Variants in KDM4C observed in about 807,000 individuals in gnomAD.
KDM4C encodes the protein lysine demethylase 4C.
KDM4C carries 81 observed loss-of-function variants against 129.3 expected under a neutral mutation model. The ratio of observed to expected loss-of-function variants is 0.63; its 90% CI spans 0.52 to 0.75. KDM4C has a LOEUF of 0.75. KDM4C is among the 30% of genes least tolerant of loss of function. The pLI, the probability that KDM4C is intolerant of heterozygous loss-of-function variation, is 0.00. For missense variants in KDM4C, 1,457 were observed against 1,304.0 expected, an observed-to-expected ratio of 1.12 and a Z score of -1.81; for synonymous variants, 573 against 456.1, an observed-to-expected ratio of 1.26 and a Z score of -3.26.
intron 4 of KDM4C, among the ~76,000 whole-genome samples, chr9:6,831,390 C>T (rs1463070569): frequency 2.0e-5 from 3 of 150,896 alleles, no homozygotes; most frequent in Admixed American, 2.0e-4. Flanking sequence ...TTTTTTGAGA[C>T]AGAGCCTCAC....
intron 17 of KDM4C, among the ~76,000 whole-genome samples, chr9:7,094,668 G>A (rs1000705588): frequency 6.6e-6 from 1 of 152,186 alleles, no homozygotes; most frequent in Non-Finnish European, 1.5e-5. Context: ...AGCTGCAGTT[G>A]TCTCCCCTGA....
At chr9:7,167,756 C>T (rs1042327637) in intron 20 of KDM4C, among the ~76,000 whole-genome samples, 1 of 152,230 alleles carries the variant, frequency 6.6e-6, no homozygotes, top group Admixed American at 6.5e-5. Flanking sequence ...GAGACATACC[C>T]ACCTGGGTGT....
At chr9:7,172,196 A>C (rs1845033965) in intron 21 of KDM4C, among the ~76,000 whole-genome samples, 1 of 152,136 alleles carries the variant, frequency 6.6e-6, no homozygotes, top group Admixed American at 6.5e-5. Flanking sequence ...CCTTGTCAGG[A>C]GGCCTTGTAT....
At chr9:7,029,986 T>C (rs1826455473) in intron 15 of KDM4C, among the ~76,000 whole-genome samples, 1 of 152,188 alleles carries the variant, frequency 6.6e-6, no homozygotes, top group Non-Finnish European at 1.5e-5. Flanking sequence ...TAAAGAATTC[T>C]TGGAGGTCAG....
chr9:7,072,354 CA>C (rs1833317621), intron 17 of KDM4C, among the ~76,000 whole-genome samples: 1 of 152,136 alleles, frequency 6.6e-6, no homozygotes, highest in African/African-American at 2.4e-5. Flanking sequence ...CATAATCACC[CA>C]AAAAATGGAA....
At chr9:6,970,324 C>T (rs1831742047) in intron 8 of KDM4C, among the ~76,000 whole-genome samples, 1 of 152,170 alleles carries the variant, frequency 6.6e-6, no homozygotes, top group Non-Finnish European at 1.5e-5. Context: ...TTCTGCCCTC[C>T]CTCTTGTAGT....
chr9:6,891,245 T>C (rs1389433180), intron 7 of KDM4C, among the ~76,000 whole-genome samples: 1 of 152,104 alleles, frequency 6.6e-6, no homozygotes, highest in Non-Finnish European at 1.5e-5. Flanking sequence ...AGTGCCCAAA[T>C]TGGAAATGAC....
At chr9:7,016,540 C>T (rs72703332) in intron 15 of KDM4C, among the ~76,000 whole-genome samples, 12,116 of 150,102 alleles carry the variant, frequency 0.081, 774 homozygotes, top group Non-Finnish European at 0.13. Flanking sequence ...ATTCTCCAGT[C>T]TCAGCCTCCT....
intron 1 of KDM4C, among the ~76,000 whole-genome samples, chr9:6,774,917 G>A (rs1822680317): frequency 2.0e-5 from 3 of 152,088 alleles, no homozygotes; most frequent in Non-Finnish European, 2.9e-5. Context: ...TGTCTTTTAT[G>A]CATTTATCCT....
chr9:6,740,010 C>G (rs1022528156), intron 1 of KDM4C, among the ~76,000 whole-genome samples: 4 of 152,010 alleles, frequency 2.6e-5, no homozygotes, highest in African/African-American at 9.7e-5. Context: ...CTGCCTCAGT[C>G]TCCCAAGCAG....
At chr9:7,058,903 A>C (rs1831239859) in intron 17 of KDM4C, among the ~76,000 whole-genome samples, 1 of 150,896 alleles carries the variant, frequency 6.6e-6, no homozygotes, top group Non-Finnish European at 1.5e-5. Context: ...CATTACTTTG[A>C]TTTGTGTATT....
At chr9:6,914,965 T>C (rs899621377) in intron 8 of KDM4C, among the ~76,000 whole-genome samples, 1 of 152,236 alleles carries the variant, frequency 6.6e-6, no homozygotes, top group Non-Finnish European at 1.5e-5. Flanking sequence ...GACAGAGTCT[T>C]TTTGATTTTG....
chr9:6,995,372 G>A (rs967596851), intron 12 of KDM4C, among the ~76,000 whole-genome samples: 1 of 151,562 alleles, frequency 6.6e-6, no homozygotes, highest in African/African-American at 2.4e-5. Flanking sequence ...CACACACAAT[G>A]TGGTATTTCC....
intron 19 of KDM4C, among the ~76,000 whole-genome samples, chr9:7,154,882 A>G (rs571432668): frequency 3.9e-5 from 6 of 152,344 alleles, no homozygotes; most frequent in African/African-American, 1.4e-4. Flanking sequence ...GCAGTACAGC[A>G]AACGGCAAAC....
intron 4 of KDM4C, among the ~76,000 whole-genome samples, chr9:6,839,902 C>G (rs1337761255): frequency 2.0e-5 from 3 of 146,384 alleles, no homozygotes; most frequent in South Asian, 4.3e-4. Context: ...GACTCCATCT[C>G]AAAAAAATAA....
At chr9:6,953,368 A>G (rs1463646509) in intron 8 of KDM4C, among the ~76,000 whole-genome samples, 2 of 152,156 alleles carry the variant, frequency 1.3e-5, no homozygotes, top group South Asian at 2.1e-4. Context: ...AACATAATTT[A>G]TTCTGCTTTG....
At chr9:6,946,768 C>G (rs1010406324) in intron 8 of KDM4C, among the ~76,000 whole-genome samples, 1 of 151,908 alleles carries the variant, frequency 6.6e-6, no homozygotes, top group Admixed American at 6.6e-5. Context: ...TTTTTAATGC[C>G]ATTTTATGTT....
chr9:6,843,008 T>C (rs1837247784), intron 4 of KDM4C, among the ~76,000 whole-genome samples: 1 of 152,152 alleles, frequency 6.6e-6, no homozygotes, highest in Non-Finnish European at 1.5e-5. Context: ...TGGCTTACTG[T>C]AACTTCCACC....
chr9:7,091,307 C>T (rs1835769685), intron 17 of KDM4C, among the ~76,000 whole-genome samples: 1 of 127,350 alleles, frequency 7.9e-6, no homozygotes, highest in African/African-American at 3.0e-5. Context: ...ACTGGATAAA[C>T]ATAGGCAATA....
Sources: allele counts gnomAD v4.1 joint callset (sites outside exome capture counted in the v4.1 genomes callset), GRCh38; gene constraint gnomAD v4.1.1; transcripts MANE v1.5; gene names NCBI Gene and HGNC (gene_info 2026-07-23, HGNC 2026-07-21).